PDCL3: variants seen among roughly 807,000 people sequenced by gnomAD.
The protein encoded by PDCL3 is phosducin-like protein 3.
A neutral mutation model predicts 26.5 loss-of-function variants in PDCL3; 22 were observed. The ratio of observed to expected loss-of-function variants is 0.83; its 90% CI spans 0.59 to 1.19. The LOEUF (loss-of-function observed/expected upper bound fraction) is 1.19, where lower values mean the gene tolerates loss of function less well. Ranked by LOEUF, PDCL3 falls within the 50% of genes most tolerant of loss-of-function variation. The pLI is 0.00. For missense variants in PDCL3, 246 were observed against 294.1 expected (o/e 0.84, Z 1.20); for synonymous variants, 81 against 104.9 (o/e 0.77, Z 1.39).
At chr2:100,570,623 G>A (rs1162730385) in intron 4 of PDCL3, among the ~76,000 whole-genome samples, 4 of 151,774 alleles carry the variant, frequency 2.6e-5, no homozygotes, top group African/African-American at 9.7e-5. Flanking sequence ...GATTACAGGC[G>A]CCTGCCACCG....
chr2:100,570,614 A>T (rs1675149380), intron 4 of PDCL3, among the ~76,000 whole-genome samples: 1 of 151,194 alleles, frequency 6.6e-6, no homozygotes, highest in African/African-American at 2.4e-5. Flanking sequence ...AGTAGCTGGG[A>T]TTACAGGCGC....
rs1675112593 is a variant in PDCL3, at chr2:100,569,001, A to T, written c.204A>T (p.Glu68Asp). The T allele has an allele frequency of 6.2e-7, 1 of 1,613,902 alleles. No individual in the cohort carries two copies. Among genetic ancestry groups the T allele is most frequent in the Non-Finnish European group, 8.5e-7 (1 of 1,179,962 alleles). The change falls in exon 3 of 6, where the codon GAA becomes GAT. Residue 68 changes from glutamate (E) to aspartate (D), a missense_variant. Glu to Asp is a conservative substitution (Grantham distance 45, BLOSUM62 2). Transcript: ENST00000264254. ...DHEDEFNEED[E>D]RAIEMYRRRR... Reference sequence around the variant, plus strand: ...AAGACGAGTTTAATGAGGAGGATGAACGTGCTATTGAAATGTACAGGTAAG... The same window carrying T: ...AAGACGAGTTTAATGAGGAGGATGATCGTGCTATTGAAATGTACAGGTAAG...
chr2:100,566,444 A>G (rs984945964), intron 1 of PDCL3, 59 bp from the exon 2 acceptor site: 8 of 1,577,632 alleles, frequency 5.1e-6, no homozygotes, highest in African/African-American at 1.3e-5. Context: ...CCCTTGCCCA[A>G]CGTGGCACCC....
intron 4 of PDCL3, among the ~76,000 whole-genome samples, chr2:100,570,756 G>A (rs1299740060): frequency 6.6e-6 from 1 of 152,176 alleles, no homozygotes; most frequent in African/African-American, 2.4e-5. Context: ...GATTACAGGC[G>A]TTAGCCGCTG....
chr2:100,574,202 G>T (rs1010052079), intron 5 of PDCL3, among the ~76,000 whole-genome samples: 1 of 151,992 alleles, frequency 6.6e-6, no homozygotes, highest in Admixed American at 6.6e-5. Context: ...CGGTTTCACC[G>T]TGTTGCCTAG....
At chr2:100,571,337 G>A (rs568778594) in intron 4 of PDCL3, among the ~76,000 whole-genome samples, 2 of 151,924 alleles carry the variant, frequency 1.3e-5, no homozygotes, top group Admixed American at 1.3e-4. Context: ...ACTCACCTTG[G>A]CCTCCCAAAG....
chr2:100,573,376 A>G (rs978720221), intron 5 of PDCL3, among the ~76,000 whole-genome samples: 3 of 152,066 alleles, frequency 2.0e-5, no homozygotes, highest in African/African-American at 7.2e-5. Flanking sequence ...CTGTACCACT[A>G]AGATACTCAT....
At chr2:100,576,270 G>C (rs985124040) in intron 5 of PDCL3, 84 bp from the exon 6 acceptor site, 1 of 1,481,744 alleles carries the variant, frequency 6.7e-7, no homozygotes, top group Admixed American at 2.2e-5. Context: ...TTTCTACTTA[G>C]AAAAAACTAG....
rs369007625 is a variant in PDCL3, at chr2:100,568,917, G to A, written c.134-14G>A. ...TTTTAAATTTTTGCTTTTTGCCAAT[G>A]TAACCAAATTCAGTGAAAACATATG... On this transcript the variant is annotated splice_polypyrimidine_tract_variant and intron_variant, in intron 2 of 5. Transcript: ENST00000264254. 17 of 1,606,154 alleles carry A rather than the reference G, an allele frequency of 1.1e-5. No homozygotes were observed. Among genetic ancestry groups the A allele is most frequent in the Non-Finnish European group, 1.4e-5 (16 of 1,177,160 alleles).
chr2:100,564,305 G>C (rs920926171), intron 1 of PDCL3, among the ~76,000 whole-genome samples: 12 of 148,514 alleles, frequency 8.1e-5, no homozygotes, highest in Non-Finnish European at 1.6e-4. Context: ...TTGTTTGTTT[G>C]TTTCTTTTTG....
At chr2:100,566,061 G>A (rs1172512029) in intron 1 of PDCL3, among the ~76,000 whole-genome samples, 7 of 152,052 alleles carry the variant, frequency 4.6e-5, no homozygotes, top group Admixed American at 3.9e-4. Flanking sequence ...CCGCCACCAC[G>A]CTCGGCTAAT....
intron 3 of PDCL3, 127 bp downstream of exon 3, chr2:100,569,148 T>G (rs1675117928): frequency 1.3e-6 from 1 of 776,238 alleles, no homozygotes; most frequent in Non-Finnish European, 2.1e-6. Flanking sequence ...CCCAACACTT[T>G]GGGAGGCTGA....
rs776685839 is a variant in PDCL3, at chr2:100,571,650, T to G, written c.429T>G (p.Asp143Glu). 3.1e-6 allele frequency: 5 copies of G among 1,613,400 alleles called. No homozygotes were observed. In the South Asian group the frequency reaches 4.4e-5, roughly 14 times the overall value. The change falls in exon 5 of 6, where the codon GAT (aspartate) becomes GAG (glutamate). Residue 143 changes from aspartate to glutamate, a missense_variant. By Grantham distance (45) the Asp-to-Glu change is conservative. Transcript: ENST00000264254. ...GTGGACTTGCCAGGAAGTTTCCTGA[T>G]GTCAAATTTATCAAAGCCATTTCAA... The part of the protein sequence containing the change: ...HLSGLARKFP[D>E]VKFIKAISTT...
chr2:100,575,308 TG>T (rs1043821563), intron 5 of PDCL3, among the ~76,000 whole-genome samples: 18 of 152,256 alleles, frequency 1.2e-4, no homozygotes, highest in African/African-American at 4.1e-4. Flanking sequence ...GCTAATTTTT[TG>T]TATTTTTAGT....
At chr2:100,568,820 G>T in intron 2 of PDCL3, 111 bp from the exon 3 acceptor site, 1 of 818,002 alleles carries the variant, frequency 1.2e-6, no homozygotes, top group Admixed American at 2.2e-5. Context: ...GGTAGGCTAA[G>T]GATCTGGTGT....
At chr2:100,566,742 G>A (rs972342641) in intron 2 of PDCL3, 113 bp downstream of exon 2, 3 of 1,483,636 alleles carry the variant, frequency 2.0e-6, no homozygotes, top group East Asian at 2.3e-5. Flanking sequence ...CTCTGTGTCT[G>A]TGGGACCTCA....
Position 100,563,001 on chromosome 2 carries a change from A to C in PDCL3, c.-67A>C. Reference sequence around the variant, plus strand: ...AGGCGTGGCGGCGCTGTGCGCGTGCACAAAAGAGAGCTGAGGGGCGGGGGC... The same window carrying C: ...AGGCGTGGCGGCGCTGTGCGCGTGCCCAAAAGAGAGCTGAGGGGCGGGGGC... On this transcript the variant is annotated 5_prime_UTR_variant, in exon 1 of 6. Transcript: ENST00000264254. The C allele has an allele frequency of 6.4e-7, 1 of 1,568,844 alleles. No individual in the cohort carries two copies. Among genetic ancestry groups the C allele is most frequent in the Non-Finnish European group, 8.6e-7 (1 of 1,157,624 alleles).
At chr2:100,574,319 TC>T in intron 5 of PDCL3, among the ~76,000 whole-genome samples, 1 of 151,592 alleles carries the variant, frequency 6.6e-6, no homozygotes, top group East Asian at 1.9e-4. Flanking sequence ...GGATATAAAT[TC>T]TTGAGTCAGG....
intron 2 of PDCL3, among the ~76,000 whole-genome samples, chr2:100,568,280 G>A (rs1045466764): frequency 2.3e-5 from 3 of 132,456 alleles, no homozygotes; most frequent in African/African-American, 5.8e-5. Flanking sequence ...TGCAATCACC[G>A]AGGGAGTGGG....
Sources: allele counts gnomAD v4.1 joint callset (sites outside exome capture counted in the v4.1 genomes callset), GRCh38; gene constraint gnomAD v4.1.1; transcripts MANE v1.5; gene names NCBI Gene and HGNC (gene_info 2026-07-23, HGNC 2026-07-21).